Variants in ATP2C2 observed in about 807,000 individuals in gnomAD.
ATP2C2 encodes the protein calcium-transporting ATPase type 2C member 2.
Under a neutral mutation model 110.8 loss-of-function variants are expected in ATP2C2, and 171 were observed. That is an observed-to-expected ratio of 1.54 (90% CI 1.36 to 1.75). The LOEUF is 1.75. Among genes scored for constraint, ATP2C2 ranks in the 40% most tolerant of loss-of-function variants. The pLI is 0.00. For missense variants in ATP2C2, 1,963 were observed against 1,235.0 expected (o/e 1.59, Z -8.84); for synonymous variants, 804 against 508.4 (o/e 1.58, Z -7.82).
intron 2 of ATP2C2, among the ~76,000 whole-genome samples, chr16:84,400,060 C>A (rs987491474): frequency 6.6e-6 from 1 of 152,114 alleles, no homozygotes; most frequent in Non-Finnish European, 1.5e-5. Context: ...ATATAATGAC[C>A]TCCAGTTCCA....
In ATP2C2 at chr16:84,390,710, G is replaced by A. The variant is rs148076938; in HGVS notation, c.100-7789G>A. Among the ~76,000 whole-genome samples, 216 of 152,288 alleles carry A rather than the reference G, an allele frequency of 1.4e-3. 1 individual carries two copies. The highest frequency in any genetic ancestry group is 3.4e-3 in the Middle Eastern group (1 of 294). On this transcript the variant is annotated intron_variant, in intron 1 of 26. Coordinates refer to ENST00000262429, the MANE Select transcript of ATP2C2 (RefSeq NM_014861.4). ...TGTTTGGGGATGAGCTCCACGTGGT[G>A]CCTGCACAACATTGCAAAGGTACTA...
At chr16:84,459,573 A>T (rs1315328774) in intron 23 of ATP2C2, 187 bp downstream of exon 23, 1 of 1,536,280 alleles carries the variant, frequency 6.5e-7, no homozygotes, top group African/African-American at 1.4e-5. Context: ...AGGAGAAAGT[A>T]CCTGGGCCGG....
intron 1 of ATP2C2, among the ~76,000 whole-genome samples, chr16:84,370,395 G>T (rs979341772): frequency 1.3e-5 from 2 of 152,230 alleles, no homozygotes; most frequent in African/African-American, 4.8e-5. Flanking sequence ...AAGGCCAGCT[G>T]AGAAAGAAGC....
intron 7 of ATP2C2, among the ~76,000 whole-genome samples, chr16:84,420,264 G>A (rs1363010221): frequency 1.3e-5 from 2 of 152,004 alleles, no homozygotes; most frequent in Admixed American, 1.3e-4. Flanking sequence ...GGCAGAAATT[G>A]TACCCCATTC....
chr16:84,396,069 T>G (rs1597754969), intron 1 of ATP2C2, among the ~76,000 whole-genome samples: 3 of 152,158 alleles, frequency 2.0e-5, no homozygotes, highest in Admixed American at 2.0e-4. Context: ...CCTATAGGAT[T>G]TGTCCTTTCG....
chr16:84,438,954 C>G (rs760492350), intron 11 of ATP2C2: 5 of 566,864 alleles, frequency 8.8e-6, no homozygotes, highest in African/African-American at 3.7e-5. Flanking sequence ...GGAGAGGTCC[C>G]TTCCCAAGAG....
At chr16:84,421,262 G>A (rs562781790) in intron 7 of ATP2C2, among the ~76,000 whole-genome samples, 11 of 152,204 alleles carry the variant, frequency 7.2e-5, no homozygotes, top group Non-Finnish European at 1.2e-4. Flanking sequence ...ATGTGACTGC[G>A]CAGCCGGAGG....
At chr16:84,448,741 C>G (rs1909992950) in intron 17 of ATP2C2, 52 bp downstream of exon 17, 5 of 1,559,648 alleles carry the variant, frequency 3.2e-6, no homozygotes, top group Admixed American at 1.9e-5. Context: ...GTAACATTGA[C>G]TTTTAAGTGC....
At chr16:84,452,198 C>A (rs1055569826) in intron 18 of ATP2C2, 107 bp downstream of exon 18, 32 of 1,362,000 alleles carry the variant, frequency 2.3e-5, no homozygotes, top group Non-Finnish European at 3.1e-5. Context: ...GGAGTGCTCA[C>A]GCCTAGCCCT....
chr16:84,418,615 C>T lies in ATP2C2; in HGVS notation c.624+3024C>T, dbSNP rs555529644. Among the ~76,000 whole-genome samples, 15 of 152,336 alleles carry T rather than the reference C, an allele frequency of 9.8e-5. No homozygotes were observed. In the South Asian group the frequency reaches 2.9e-3, roughly 29 times the overall value. ...TTATTTTACTACACGGACACAGCAG[C>T]CCGCAGAGGTTGCGTGGCCCTGCGC... On this transcript the variant is annotated intron_variant, in intron 7 of 26. Transcript: ENST00000262429.
chr16:84,432,799 G>A (rs1908398375), intron 11 of ATP2C2, among the ~76,000 whole-genome samples: 2 of 152,108 alleles, frequency 1.3e-5, no homozygotes, highest in South Asian at 4.1e-4. Context: ...GGGATTACAG[G>A]TGTGAGCCAC....
chr16:84,408,327 CA>C (rs1278439497), intron 3 of ATP2C2, 77 bp from the exon 4 acceptor site: 2 of 1,404,594 alleles, frequency 1.4e-6, no homozygotes, highest in African/African-American at 1.4e-5. Context: ...CCCTGTCACA[CA>C]AACTTCTGCA....
chr16:84,453,302 TC>T lies in ATP2C2; in HGVS notation c.1930-15del. ...AGCTTTGAAATCTGATTCTTCGTCT[TC>T]CCCGTCTCCGTGTCCAGGTGTCCGT... On this transcript the variant is annotated intron_variant, in intron 19 of 26. Transcript: ENST00000262429. The T allele has an allele frequency of 6.2e-7, 1 of 1,614,038 alleles. No individual in the cohort carries two copies. The highest frequency in any genetic ancestry group is 8.5e-7 in the Non-Finnish European group (1 of 1,179,980).
chr16:84,387,843 T>C (rs1904407741), intron 1 of ATP2C2, among the ~76,000 whole-genome samples: 1 of 151,990 alleles, frequency 6.6e-6, no homozygotes, highest in South Asian at 2.1e-4. Context: ...TCCCAGCACT[T>C]TGGGAAGCTG....
intron 7 of ATP2C2, among the ~76,000 whole-genome samples, chr16:84,419,515 G>A (rs1907140264): frequency 6.6e-6 from 1 of 152,134 alleles, no homozygotes; most frequent in Non-Finnish European, 1.5e-5. Flanking sequence ...CATAGTCTCT[G>A]TCACCACATC....
chr16:84,459,424 C>G (rs201394833), intron 23 of ATP2C2, 38 bp downstream of exon 23: 2 of 1,608,006 alleles, frequency 1.2e-6, no homozygotes, highest in Admixed American at 1.7e-5. Context: ...TGTCTCTTTA[C>G]CCACCTGCGG....
chr16:84,415,106 C>T (rs926295136), intron 6 of ATP2C2, among the ~76,000 whole-genome samples: 9 of 152,128 alleles, frequency 5.9e-5, no homozygotes, highest in Admixed American at 6.5e-5. Context: ...CCATCCCTGA[C>T]TTCCTGAGAC....
At position 84,460,660 on chromosome 16, in the gene ATP2C2, G is replaced by T; in HGVS notation, c.2340G>T (p.Gly780=). Residue 780 remains glycine (G), a synonymous_variant, in exon 24 of 27, where the codon GGG becomes GGT. Coordinates refer to ENST00000262429, the MANE Select transcript of ATP2C2 (RefSeq NM_014861.4). The part of the protein sequence containing the change: ...IMDGPPAQSL[G]VEPVDKDAFR... ...TGTGTCTTGTTCGGAGCAGCTTGGG[G>T]GTAGAGCCCGTTGACAAAGACGCCT... is the stretch of plus-strand genomic sequence containing the variant. The T allele has an allele frequency of 6.2e-7, 1 of 1,614,228 alleles. No homozygotes were observed. Among genetic ancestry groups the T allele is most frequent in the Non-Finnish European group, 8.5e-7 (1 of 1,180,038 alleles).
At chr16:84,423,084 T>C in intron 9 of ATP2C2, 104 bp from the exon 10 acceptor site, 12 of 929,406 alleles carry the variant, frequency 1.3e-5, no homozygotes, top group Non-Finnish European at 2.1e-5. Flanking sequence ...TACCCCTGTG[T>C]AATCATCACT....
Sources: allele counts gnomAD v4.1 joint callset (sites outside exome capture counted in the v4.1 genomes callset), GRCh38; gene constraint gnomAD v4.1.1; transcripts MANE v1.5; gene names NCBI Gene and HGNC (gene_info 2026-07-23, HGNC 2026-07-21).